Variants in CDS2 observed in about 807,000 individuals in gnomAD.
The protein encoded by CDS2 is phosphatidate cytidylyltransferase 2.
Under a neutral mutation model 59.0 loss-of-function variants are expected in CDS2, and 47 were observed. That is an observed-to-expected ratio of 0.80 (90% CI 0.63 to 1.02). CDS2 has a LOEUF of 1.02. Among genes scored for constraint, CDS2 ranks in the 50% least tolerant of loss-of-function variants. The probability of loss-of-function intolerance (pLI) is 0.00; values close to 1 mark genes in which losing one functional copy is unlikely to be tolerated. For missense variants in CDS2, 356 were observed against 558.9 expected (o/e 0.64, Z 3.66); for synonymous variants, 207 against 206.4 (o/e 1.00, Z -0.02).
chr20:5,133,984 T>C (rs552385487), intron 1 of CDS2, among the ~76,000 whole-genome samples: 2 of 152,214 alleles, frequency 1.3e-5, no homozygotes, highest in Non-Finnish European at 2.9e-5. Flanking sequence ...AAATACTATA[T>C]AAATCTTTCA....
In CDS2 at chr20:5,190,690, A is replaced by C. The variant is rs2091107393; in HGVS notation, c.*456A>C. 2 of 152,102 alleles carry C rather than the reference A, an allele frequency of 1.3e-5. No individual in the cohort carries two copies. Among genetic ancestry groups the C allele is most frequent in the South Asian group, 4.1e-4 (2 of 4,824 alleles). 9.4% of individuals were successfully genotyped at this position (152,102 alleles called of 1,614,324 possible). A position where few individuals can be genotyped will look rare whatever the true frequency, so the allele number is the denominator to read the frequency against. On this transcript the variant is annotated 3_prime_UTR_variant, in exon 13 of 13. Coordinates refer to ENST00000460006, the MANE Select transcript of CDS2 (RefSeq NM_003818.4). The stretch of plus-strand genomic sequence containing the variant: ...GTTTTGTACACCTGGTCTTTTCTAG[A>C]AATCCCTGCTTGGAGCTGCAGAAGG...
At chr20:5,175,123 C>T (rs2090984973) in intron 2 of CDS2, 60 bp from the exon 3 acceptor site, 2 of 1,195,614 alleles carry the variant, frequency 1.7e-6, no homozygotes, top group Admixed American at 3.4e-5. Context: ...TGAGTTTGTG[C>T]ATTGGTTTTT....
rs35796695 is a variant in CDS2, at chr20:5,182,403, A to G, written c.546A>G (p.Val182=). The change falls in exon 6 of 13, where the codon GTA becomes GTG. Residue 182 remains valine (V), a synonymous_variant. Transcript: ENST00000460006. ...TCAAACTAGGATTCTGCATGTTTGT[A>G]CTGAGTCTGGTCAAGAAGCATTATC... ...TLYLIGFCMF[V]LSLVKKHYRL... 1,478 of 1,611,580 alleles carry G rather than the reference A, an allele frequency of 9.2e-4. 19 individuals carry two copies. The African/African-American group carries it at 0.018, about 20-fold the overall frequency.
intron 1 of CDS2, among the ~76,000 whole-genome samples, chr20:5,169,139 C>A (rs2090936347): frequency 6.6e-6 from 1 of 152,210 alleles, no homozygotes; most frequent in Non-Finnish European, 1.5e-5. Context: ...CTACAACCCC[C>A]TTGGGAAATG....
chr20:5,186,516 T>C (rs914447994), intron 9 of CDS2, among the ~76,000 whole-genome samples, 171 bp from the exon 10 acceptor site: 1 of 151,886 alleles, frequency 6.6e-6, no homozygotes, highest in African/African-American at 2.4e-5. Flanking sequence ...CCTCTTTTTT[T>C]TTTTTTAATT....
At chr20:5,150,860 C>T (rs951798672) in intron 1 of CDS2, among the ~76,000 whole-genome samples, 3 of 152,238 alleles carry the variant, frequency 2.0e-5, no homozygotes, top group Admixed American at 6.5e-5. Flanking sequence ...GTAGCTCCCA[C>T]GTGATTCAGT....
rs1375299314 is a variant in CDS2, at chr20:5,195,734, C to T, written c.*5500C>T. 2 of 152,206 alleles carry T rather than the reference C, an allele frequency of 1.3e-5. No homozygotes were observed. Among genetic ancestry groups the T allele is most frequent in the African/African-American group, 4.8e-5 (2 of 41,432 alleles). 9.4% of individuals were successfully genotyped at this position (152,206 alleles called of 1,614,324 possible). On this transcript the variant is annotated 3_prime_UTR_variant, in exon 13 of 13. Coordinates refer to ENST00000460006, the MANE Select transcript of CDS2 (RefSeq NM_003818.4). Reference sequence around the variant, plus strand: ...GTAGACTAAAAGCCTAGAAGTTCTGCCCACATCCTTATGACGCAGCCAATC... The same window carrying T: ...GTAGACTAAAAGCCTAGAAGTTCTGTCCACATCCTTATGACGCAGCCAATC...
intron 1 of CDS2, among the ~76,000 whole-genome samples, 154 bp downstream of exon 1, chr20:5,127,303 C>CG (rs1316702473): frequency 6.6e-6 from 1 of 152,040 alleles, no homozygotes; most frequent in East Asian, 1.9e-4. Flanking sequence ...CTCGGGTGCC[C>CG]GGCCTTCGCG....
chr20:5,141,885 T>C (rs1171003735), intron 1 of CDS2, among the ~76,000 whole-genome samples: 1 of 152,116 alleles, frequency 6.6e-6, no homozygotes, highest in Non-Finnish European at 1.5e-5. Context: ...TCTTCTGTGA[T>C]TGTTGTTACA....
intron 1 of CDS2, among the ~76,000 whole-genome samples, chr20:5,149,686 G>A (rs1205756331): frequency 1.4e-4 from 22 of 152,072 alleles, no homozygotes; most frequent in Non-Finnish European, 1.5e-5. Context: ...ACAGGTGTGA[G>A]CCACCATGCA....
intron 1 of CDS2, 36 bp from the exon 2 acceptor site, chr20:5,173,487 T>G (rs760208314): frequency 1.2e-6 from 2 of 1,612,592 alleles, no homozygotes; most frequent in South Asian, 2.2e-5. Flanking sequence ...ACTCGGCACT[T>G]TTGACCTTTT....
intron 1 of CDS2, among the ~76,000 whole-genome samples, chr20:5,145,822 G>GTTTTTTTTT (rs11470811): frequency 7.7e-6 from 1 of 129,254 alleles, no homozygotes. Context: ...TGCTTTTTGT[G>GTTTTTTTTT]TTTTTTTTTT....
intron 1 of CDS2, among the ~76,000 whole-genome samples, chr20:5,129,635 C>T (rs767785524): frequency 5.5e-4 from 83 of 152,072 alleles, no homozygotes; most frequent in Non-Finnish European, 9.6e-4. Context: ...AGAGGCACGG[C>T]TTCTCAATGT....
In CDS2 at chr20:5,194,472, CT is replaced by C. The variant is rs2091141965; in HGVS notation, c.*4241del. 1 of 152,346 alleles carries C rather than the reference CT, an allele frequency of 6.6e-6. No homozygotes were observed. The highest frequency in any genetic ancestry group is 2.4e-5 in the African/African-American group (1 of 41,450). The allele number at this position is 152,346 out of a possible 1,614,324, so 9.4% of individuals were successfully genotyped here. ...TGTTGCCATCTGAATGCGCCCTTCCCTTTCAGGTTGACCAGCAGTGGCCTTA... is the reference window on the plus strand; with the variant it reads ...TGTTGCCATCTGAATGCGCCCTTCCCTTCAGGTTGACCAGCAGTGGCCTTA... On this transcript the variant is annotated 3_prime_UTR_variant, in exon 13 of 13. Transcript: ENST00000460006.
chr20:5,178,660 A>G (rs1174964987), intron 4 of CDS2, among the ~76,000 whole-genome samples, 157 bp from the exon 5 acceptor site: 1 of 152,192 alleles, frequency 6.6e-6, no homozygotes. Context: ...ACCAGAGAGC[A>G]GGAAACCATG....
At chr20:5,176,457 T>G in intron 3 of CDS2, 191 bp from the exon 4 acceptor site, 2 of 563,324 alleles carry the variant, frequency 3.6e-6, no homozygotes, top group Non-Finnish European at 6.4e-6. Context: ...TTGGATCTAC[T>G]CCCTGTGACA....
intron 5 of CDS2, among the ~76,000 whole-genome samples, chr20:5,181,296 C>T (rs1290191223): frequency 1.3e-5 from 2 of 152,160 alleles, no homozygotes; most frequent in African/African-American, 2.4e-5. Context: ...AGAAAAAAAC[C>T]AAAGTCAGCC....
At chr20:5,131,058 A>G (rs979979245) in intron 1 of CDS2, among the ~76,000 whole-genome samples, 1 of 149,834 alleles carries the variant, frequency 6.7e-6, no homozygotes, top group Non-Finnish European at 1.5e-5. Flanking sequence ...GCGCCACTGC[A>G]CGCCAGCCTG....
intron 9 of CDS2, 57 bp downstream of exon 9, chr20:5,185,883 C>A: frequency 1.4e-6 from 2 of 1,462,252 alleles, no homozygotes; most frequent in Non-Finnish European, 1.9e-6. Flanking sequence ...CTCATACCAC[C>A]TTCCAAGGCC....
Sources: gnomAD v4.1 joint callset for allele counts (sites outside exome capture counted in the v4.1 genomes callset) on GRCh38, gnomAD v4.1.1 for gene constraint, MANE v1.5 for transcripts, NCBI Gene and HGNC (gene_info 2026-07-23, HGNC 2026-07-21) for gene names.